Variants in DHX30 observed in about 807,000 individuals in gnomAD.
The protein encoded by DHX30 is ATP-dependent RNA helicase DHX30.
Under a neutral mutation model 116.9 loss-of-function variants are expected in DHX30, and 4 were observed. That is an observed-to-expected ratio of 0.03 (90% CI 0.02 to 0.08). DHX30 has a LOEUF of 0.08. DHX30 is among the 10% of genes least tolerant of loss of function. The pLI is 1.00. For missense variants in DHX30, 871 were observed against 1,595.1 expected (o/e 0.55, Z 7.73); for synonymous variants, 697 against 651.7 (o/e 1.07, Z -1.06).
chr3:47,819,678 G>C (rs764667882), intron 4 of DHX30, among the ~76,000 whole-genome samples: 30 of 152,092 alleles, frequency 2.0e-4, no homozygotes, highest in Non-Finnish European at 3.2e-4. Context: ...GTTTATATAA[G>C]GAAAACAGTG....
At chr3:47,820,265 G>A (rs922455131) in intron 4 of DHX30, among the ~76,000 whole-genome samples, 3 of 151,832 alleles carry the variant, frequency 2.0e-5, no homozygotes, top group African/African-American at 7.3e-5. Context: ...AGTGAGCTGA[G>A]ATCGCACCAC....
At position 47,848,915 on chromosome 3, in the gene DHX30, C is replaced by T. The variant is rs1369740429; in HGVS notation, c.2770-5C>T. On this transcript the variant is annotated splice_polypyrimidine_tract_variant and splice_region_variant and intron_variant, in intron 17 of 21. Coordinates refer to ENST00000445061, the MANE Select transcript of DHX30 (RefSeq NM_138615.3). The surrounding 1 kb of genome is among the most constrained non-coding windows in gnomAD (Gnocchi z 9.4). ...TGATCCGGCTGCCCTCTTCTCCCCT[C>T]CCAGGTGAAAGCACTGTTGAGCCAT... is the stretch of plus-strand genomic sequence containing the variant. 5.0e-6 allele frequency: 8 copies of T among 1,600,286 alleles called. No individual in the cohort carries two copies. Among genetic ancestry groups the T allele is most frequent in the Non-Finnish European group, 6.8e-6 (8 of 1,170,414 alleles).
Position 47,803,183 on chromosome 3 carries a change from C to G in DHX30, c.-152C>G. ...GGAGCCGCGGCTCATGCGCGGTGCA[C>G]AGAGGCTTGTTTCACATCTGTAACA... On this transcript the variant is annotated 5_prime_UTR_variant, in exon 1 of 22. Transcript: ENST00000445061. 2 of 393,948 alleles carry G rather than the reference C, an allele frequency of 5.1e-6. No homozygotes were observed. The highest frequency in any genetic ancestry group is 3.6e-5 in the East Asian group (1 of 27,782). 24.4% of individuals were successfully genotyped at this position (393,948 alleles called of 1,614,324 possible).
intron 6 of DHX30, among the ~76,000 whole-genome samples, chr3:47,839,187 TAA>T (rs2037251378): frequency 1.3e-5 from 2 of 152,110 alleles, no homozygotes; most frequent in African/African-American, 4.8e-5. Flanking sequence ...CATGAAGCTA[TAA>T]CACATTTAAA....
intron 2 of DHX30, among the ~76,000 whole-genome samples, chr3:47,807,089 C>T (rs1403703114): frequency 6.6e-6 from 1 of 151,936 alleles, no homozygotes; most frequent in Non-Finnish European, 1.5e-5. Context: ...GCCTGTAATC[C>T]CAGCTACTAG....
At chr3:47,836,593 A>G (rs1224285564) in intron 6 of DHX30, among the ~76,000 whole-genome samples, 2 of 149,544 alleles carry the variant, frequency 1.3e-5, no homozygotes, top group African/African-American at 4.9e-5. Context: ...ATCTCGGCTC[A>G]CTGCAACGTT....
chr3:47,819,405 C>A, intron 4 of DHX30: 1 of 773,028 alleles, frequency 1.3e-6, no homozygotes, highest in Non-Finnish European at 2.1e-6. Flanking sequence ...CAGTTGCTGC[C>A]TCTGGGGCAG....
chr3:47,843,047 C>G, intron 8 of DHX30, 59 bp from the exon 9 acceptor site: 4 of 1,595,560 alleles, frequency 2.5e-6, no homozygotes, highest in Non-Finnish European at 3.4e-6. Context: ...TCTGAGAATG[C>G]CCCAAGTCTC....
At position 47,847,222 on chromosome 3, in the gene DHX30, A is replaced by C; in HGVS notation, c.1930-51A>C. On this transcript the variant is annotated intron_variant, in intron 11 of 21. Coordinates refer to ENST00000445061, the MANE Select transcript of DHX30 (RefSeq NM_138615.3). This position sits in a 1 kb window ranked among gnomAD's most constrained non-coding sequence, Gnocchi z 5.5. The stretch of plus-strand genomic sequence containing the variant: ...TGAGTCAGGTGGCTGTGTCCTTGGC[A>C]TGACCCCTTACCCCGGGGCTGTGAC... 1 of 1,611,278 alleles carries C rather than the reference A, an allele frequency of 6.2e-7. No homozygotes were observed. Among genetic ancestry groups the C allele is most frequent in the Non-Finnish European group, 8.5e-7 (1 of 1,177,442 alleles).
At chr3:47,837,099 A>AGAGGCTTATACTT (rs11270376) in intron 6 of DHX30, among the ~76,000 whole-genome samples, 1 of 151,772 alleles carries the variant, frequency 6.6e-6, no homozygotes, top group Admixed American at 6.6e-5. Context: ...CCTAAATAGA[A>AGAGGCTTATACTT]GAGGCTTATT....
At chr3:47,843,392 TGCA>T in intron 9 of DHX30, 137 bp downstream of exon 9, 3 of 1,208,842 alleles carry the variant, frequency 2.5e-6, no homozygotes, top group Non-Finnish European at 3.4e-6. Flanking sequence ...ACAGCTGGTA[TGCA>T]GGCCTCGCTT....
intron 4 of DHX30, among the ~76,000 whole-genome samples, chr3:47,826,943 A>G (rs967817700): frequency 1.3e-5 from 2 of 152,058 alleles, no homozygotes; most frequent in African/African-American, 4.8e-5. Flanking sequence ...CTTGATCTCC[A>G]GTTTGTGTGT....
intron 5 of DHX30, among the ~76,000 whole-genome samples, 175 bp from the exon 6 acceptor site, chr3:47,828,849 A>G (rs1442565634): frequency 6.6e-6 from 1 of 152,114 alleles, no homozygotes; most frequent in Non-Finnish European, 1.5e-5. Context: ...TTAGAGCCTT[A>G]TAAGGAGTTA....
In DHX30 at chr3:47,849,908, C is replaced by T; in HGVS notation, c.3373C>T (p.Leu1125=). The T allele has an allele frequency of 6.2e-7, 1 of 1,613,534 alleles. No individual in the cohort carries two copies. Among genetic ancestry groups the T allele is most frequent in the Non-Finnish European group, 8.5e-7 (1 of 1,179,810 alleles). ...CACCATCTCACTGAGCGACAGTGACCTGCTGCGGCTGGAGGGTGACTCGCG... is the reference window on the plus strand; with the variant it reads ...CACCATCTCACTGAGCGACAGTGACTTGCTGCGGCTGGAGGGTGACTCGCG... The part of the protein sequence containing the change: ...RATISLSDSD[L]LRLEGDSRTV... The change falls in exon 22 of 22, where the codon CTG becomes TTG. Residue 1125 remains leucine, a synonymous_variant. Transcript: ENST00000445061.
chr3:47,811,030 A>G (rs889923196), intron 3 of DHX30, among the ~76,000 whole-genome samples: 1 of 150,952 alleles, frequency 6.6e-6, no homozygotes, highest in Admixed American at 6.6e-5. Flanking sequence ...GCTCAGTGCA[A>G]TCTCCTCCTC....
intron 6 of DHX30, among the ~76,000 whole-genome samples, chr3:47,832,204 C>T (rs2036893247): frequency 6.6e-6 from 1 of 152,024 alleles, no homozygotes; most frequent in South Asian, 2.1e-4. Context: ...CGCTGACTGC[C>T]TGGCCTCTGT....
At chr3:47,828,318 G>T (rs959627371) in intron 5 of DHX30, among the ~76,000 whole-genome samples, 2 of 151,610 alleles carry the variant, frequency 1.3e-5, no homozygotes, top group Non-Finnish European at 2.9e-5. Context: ...AAGTTACTCA[G>T]GCATTGTGGT....
rs1297206974 is a variant in DHX30, at chr3:47,841,120, G to A, written c.610G>A (p.Val204Ile). 1.9e-6 allele frequency: 3 copies of A among 1,614,086 alleles called. No individual in the cohort carries two copies. Residue 204 changes from valine (V) to isoleucine (I), a missense_variant, in exon 7 of 22, where the codon GTT becomes ATT. Val to Ile is a conservative substitution (Grantham distance 29). Transcript: ENST00000445061. ...EEELEEGTIDVTDFLSMTQQD... is the reference protein window; with the variant it reads ...EEELEEGTIDITDFLSMTQQD... ...AGAGCTAGAAGAAGGGACCATAGAT[G>A]TTACCGACTTCTTGTCCATGACCCA... is the stretch of plus-strand genomic sequence containing the variant.
chr3:47,806,115 A>G (rs1188688169), intron 2 of DHX30, among the ~76,000 whole-genome samples: 1 of 144,340 alleles, frequency 6.9e-6, no homozygotes, highest in Non-Finnish European at 1.5e-5. Flanking sequence ...CCTCAGCCTC[A>G]TGCCACCAAG....
Sources: gnomAD v4.1 joint callset for allele counts (sites outside exome capture counted in the v4.1 genomes callset) on GRCh38, gnomAD v4.1.1 for gene constraint, Gnocchi (gnomAD v3.1) non-coding constraint, MANE v1.5 for transcripts, NCBI Gene and HGNC (gene_info 2026-07-23, HGNC 2026-07-21) for gene names.